Variants in COPS5 observed in about 807,000 individuals in gnomAD.
COPS5 encodes the protein COP9 signalosome complex subunit 5.
Under a neutral mutation model 44.4 loss-of-function variants are expected in COPS5, and 8 were observed. The observed-to-expected ratio is 0.18, with a 90% CI of 0.11 to 0.32. The LOEUF is 0.32. Among genes scored for constraint, COPS5 ranks in the 10% least tolerant of loss-of-function variants. COPS5 has a pLI of 1.00. For missense variants in COPS5, 159 were observed against 406.4 expected, an observed-to-expected ratio of 0.39 and a Z score of 5.23; for synonymous variants, 122 against 142.8, an observed-to-expected ratio of 0.85 and a Z score of 1.04.
At chr8:67,046,855 C>CTTTTCTG (rs1181178533) in intron 6 of COPS5, among the ~76,000 whole-genome samples, 2 of 141,462 alleles carry the variant, frequency 1.4e-5, no homozygotes, top group East Asian at 4.2e-4. Flanking sequence ...AAAACAAACA[C>CTTTTCTG]TTTTCTGGTT....
intron 5 of COPS5, among the ~76,000 whole-genome samples, chr8:67,054,316 C>G (rs772737967): frequency 5.6e-4 from 85 of 152,158 alleles, no homozygotes; most frequent in Non-Finnish European, 1.0e-3. Flanking sequence ...ACCTTTGATA[C>G]AACTCAATAT....
At chr8:67,054,373 A>C (rs529873228) in intron 5 of COPS5, among the ~76,000 whole-genome samples, 1 of 152,326 alleles carries the variant, frequency 6.6e-6, no homozygotes, top group Non-Finnish European at 1.5e-5. Context: ...GTATCACAGC[A>C]AAGGTATTTC....
chr8:67,059,250 T>C lies in COPS5; in HGVS notation c.339A>G (p.Ala113=). ...CTATGTATGCAGCCATGTATTCATA[T>C]GCAGCAGCCTGAGCATTTACTCGGG... ...TETRVNAQAA[A]YEYMAAYIEN... Residue 113 remains alanine, a synonymous_variant, in exon 2 of 8, where the codon GCA becomes GCG. Coordinates refer to ENST00000357849, the MANE Select transcript of COPS5 (RefSeq NM_006837.3). The C allele has an allele frequency of 6.2e-7, 1 of 1,614,226 alleles. No individual in the cohort carries two copies. Among genetic ancestry groups the C allele is most frequent in the South Asian group, 1.1e-5 (1 of 91,086 alleles).
chr8:67,059,516 A>G, intron 1 of COPS5, 71 bp from the exon 2 acceptor site: 1 of 1,120,578 alleles, frequency 8.9e-7, no homozygotes. Flanking sequence ...TTTTATGAAG[A>G]TAAAGAGTAA....
intron 6 of COPS5, among the ~76,000 whole-genome samples, chr8:67,048,311 AATAAAATAAAAT>A (rs1006903308): frequency 2.0e-5 from 3 of 150,554 alleles, no homozygotes; most frequent in African/African-American, 7.3e-5. Context: ...AAAATAAAAT[AATAAAATAAAAT>A]ATAAAATAAA....
intron 6 of COPS5, among the ~76,000 whole-genome samples, chr8:67,046,325 G>T (rs2129537733): frequency 6.6e-6 from 1 of 152,244 alleles, no homozygotes; most frequent in South Asian, 2.1e-4. Context: ...ATGCCTCCAG[G>T]TTTTCTTCTG....
intron 6 of COPS5, chr8:67,047,681 T>C: frequency 1.6e-6 from 1 of 615,012 alleles, no homozygotes; most frequent in Non-Finnish European, 2.9e-6. Context: ...AAATGTAATT[T>C]AACCTTTTCT....
intron 5 of COPS5, among the ~76,000 whole-genome samples, chr8:67,051,775 C>A (rs1804418548): frequency 1.3e-5 from 2 of 152,182 alleles, no homozygotes; most frequent in Non-Finnish European, 2.9e-5. Flanking sequence ...CCAGTTAGGA[C>A]CTACTGCTTT....
intron 5 of COPS5, among the ~76,000 whole-genome samples, chr8:67,051,663 T>C (rs1383371300): frequency 6.6e-6 from 1 of 152,234 alleles, no homozygotes; most frequent in Non-Finnish European, 1.5e-5. Flanking sequence ...CAACAGCACA[T>C]AAACTTAATA....
intron 5 of COPS5, 116 bp downstream of exon 5, chr8:67,056,403 C>A: frequency 2.8e-6 from 1 of 357,250 alleles, no homozygotes; most frequent in Admixed American, 4.8e-5. Flanking sequence ...CTATGTTGCC[C>A]AGGCTAGTGT....
Position 67,056,502 on chromosome 8 carries a change from G to A in COPS5, c.659+17C>T, listed in dbSNP as rs778127567. ...GAGTCACCGTGCCTGGCCCAGATATGTTTTTAAATTACTTACTGTTTGCAG... is the reference window on the plus strand; with the variant it reads ...GAGTCACCGTGCCTGGCCCAGATATATTTTTAAATTACTTACTGTTTGCAG... On this transcript the variant is annotated intron_variant, in intron 5 of 7. Transcript: ENST00000357849. The A allele has an allele frequency of 2.8e-5, 27 of 981,746 alleles. No homozygotes were observed. The East Asian group carries it at 6.5e-4, about 24-fold the overall frequency. 60.8% of individuals were successfully genotyped at this position (981,746 alleles called of 1,614,324 possible).
At chr8:67,056,703 ATATATAT>A in intron 4 of COPS5, 99 bp from the exon 5 acceptor site, 4 of 115,160 alleles carry the variant, frequency 3.5e-5, no homozygotes, top group Non-Finnish European at 4.8e-5. Context: ...ATATATATAT[ATATATAT>A]AAAAATGAGA....
intron 5 of COPS5, among the ~76,000 whole-genome samples, chr8:67,053,553 T>C (rs2129537885): frequency 6.7e-6 from 1 of 148,764 alleles, no homozygotes; most frequent in Admixed American, 6.7e-5. Flanking sequence ...ATACAAAAAT[T>C]AGCTGGGTGT....
At chr8:67,047,995 A>C in intron 6 of COPS5, 1 of 673,724 alleles carries the variant, frequency 1.5e-6, no homozygotes, top group Non-Finnish European at 2.7e-6. Context: ...AAGAACAGAT[A>C]CTGGGCGCCG....
At chr8:67,052,095 C>A (rs946000242) in intron 5 of COPS5, among the ~76,000 whole-genome samples, 12 of 152,032 alleles carry the variant, frequency 7.9e-5, no homozygotes, top group Admixed American at 6.6e-5. Context: ...TGCTACAGTG[C>A]TATATAAAAT....
intron 7 of COPS5, chr8:67,045,480 C>T: frequency 5.4e-6 from 1 of 185,678 alleles, no homozygotes; most frequent in Non-Finnish European, 1.1e-5. Context: ...CCTAGTTACA[C>T]ACACATACAC....
At chr8:67,060,438 T>C in intron 1 of COPS5, 1 of 1,288,492 alleles carries the variant, frequency 7.8e-7, no homozygotes, top group Non-Finnish European at 1.0e-6. Flanking sequence ...ACAGAAAGAA[T>C]CCAAATTTAA....
chr8:67,057,971 G>A, intron 3 of COPS5, 112 bp downstream of exon 3: 1 of 1,119,716 alleles, frequency 8.9e-7, no homozygotes, highest in Non-Finnish European at 1.3e-6. Context: ...TGAAACCTAG[G>A]CAGACTGATA....
At chr8:67,045,749 T>C in intron 7 of COPS5, 63 bp downstream of exon 7, 1 of 1,552,522 alleles carries the variant, frequency 6.4e-7, no homozygotes, top group Non-Finnish European at 8.9e-7. Context: ...ATACTACTAT[T>C]GTTTGCAAAT....
Sources: gnomAD v4.1 joint callset for allele counts (sites outside exome capture counted in the v4.1 genomes callset) on GRCh38, gnomAD v4.1.1 for gene constraint, MANE v1.5 for transcripts, NCBI Gene and HGNC (gene_info 2026-07-23, HGNC 2026-07-21) for gene names.